The following TIMM23B variants were observed in gnomAD, a reference collection of about 807,000 sequenced individuals.
TIMM23B encodes the protein mitochondrial import inner membrane translocase subunit Tim23B.
In TIMM23B, 27 loss-of-function variants were observed where a neutral mutation model predicts 27.3. The observed-to-expected ratio is 0.99, with a 90% CI of 0.73 to 1.36. The LOEUF (loss-of-function observed/expected upper bound fraction) is 1.36. TIMM23B is among the 40% of genes most tolerant of loss of function. The pLI, the probability that TIMM23B is intolerant of heterozygous loss-of-function variation, is 0.00. For synonymous variants in TIMM23B, 73 were observed against 92.4 expected, an observed-to-expected ratio of 0.79 and a Z score of 1.21; for missense variants, 205 against 244.2, an observed-to-expected ratio of 0.84 and a Z score of 1.07.
chr10:49,945,171 T>C, intron 2 of TIMM23B, 81 bp downstream of exon 2: 1 of 1,425,406 alleles, frequency 7.0e-7, no homozygotes, highest in Admixed American at 1.8e-5. Flanking sequence ...ACTTGAACTA[T>C]GACATACACT....
At chr10:49,959,787 C>T (rs1342758556) in intron 6 of TIMM23B, among the ~76,000 whole-genome samples, 2 of 151,276 alleles carry the variant, frequency 1.3e-5, no homozygotes, top group African/African-American at 2.4e-5. Context: ...GTCTTGGTGT[C>T]ACCCAGGCTG....
chr10:49,943,230 T>C (rs1839217819), intron 1 of TIMM23B: 1 of 152,122 alleles, frequency 6.6e-6, no homozygotes, highest in Non-Finnish European at 1.5e-5. Flanking sequence ...TTTGTTTGTT[T>C]TTAGAGTCAG....
intron 6 of TIMM23B, among the ~76,000 whole-genome samples, chr10:49,966,668 TAAA>T (rs1170500622): frequency 1.3e-5 from 2 of 151,228 alleles, no homozygotes; most frequent in Admixed American, 6.6e-5. Flanking sequence ...TCTACTAAAA[TAAA>T]AAAACTAGCC....
intron 5 of TIMM23B, among the ~76,000 whole-genome samples, chr10:49,956,882 A>G (rs1839743373): frequency 6.8e-6 from 1 of 147,970 alleles, no homozygotes; most frequent in African/African-American, 2.4e-5. Flanking sequence ...TTGAAAAAAA[A>G]AAACAGTTTT....
At chr10:49,969,986 G>C (rs1554856190) in intron 6 of TIMM23B, 1 of 170,400 alleles carries the variant, frequency 5.9e-6, no homozygotes, top group African/African-American at 2.4e-5. Context: ...TGGAGACGGG[G>C]TTTCGCCATG....
At chr10:49,952,362 AAGAATC>A in intron 3 of TIMM23B, 81 bp from the exon 4 acceptor site, 1 of 1,510,758 alleles carries the variant, frequency 6.6e-7, no homozygotes, top group Non-Finnish European at 9.0e-7. Context: ...AAAAATGAAA[AAGAATC>A]AGAAGTGTAG....
chr10:49,942,514 G>A (rs1839157135), intron 1 of TIMM23B, among the ~76,000 whole-genome samples: 1 of 152,144 alleles, frequency 6.6e-6, no homozygotes, highest in Non-Finnish European at 1.5e-5. Context: ...AGCTGTCCGT[G>A]ATTGACCTGG....
At chr10:49,949,330 C>T (rs1253167142) in intron 2 of TIMM23B, among the ~76,000 whole-genome samples, 2 of 150,140 alleles carry the variant, frequency 1.3e-5, no homozygotes, top group African/African-American at 4.9e-5. Context: ...GTTGATGGTT[C>T]GGACCTTGCC....
chr10:49,944,917 C>T, intron 1 of TIMM23B, 115 bp from the exon 2 acceptor site: 4 of 1,361,386 alleles, frequency 2.9e-6, no homozygotes, highest in Non-Finnish European at 4.1e-6. Context: ...AAATTTTCTG[C>T]CTTCAGTGAG....
intron 6 of TIMM23B, among the ~76,000 whole-genome samples, chr10:49,959,647 A>G (rs1169924115): frequency 6.6e-6 from 1 of 152,206 alleles, no homozygotes; most frequent in African/African-American, 2.4e-5. Context: ...TTTTTAAGTC[A>G]AGGTTTTTAT....
intron 1 of TIMM23B, 27 bp from the exon 2 acceptor site, chr10:49,945,005 C>G (rs1472389588): frequency 7.7e-6 from 12 of 1,562,726 alleles, no homozygotes; most frequent in Non-Finnish European, 6.2e-6. Flanking sequence ...AATTTTGTTG[C>G]AATGTGACAT....
intron 2 of TIMM23B, among the ~76,000 whole-genome samples, chr10:49,948,352 A>G (rs1214496349): frequency 1.3e-5 from 2 of 152,044 alleles, no homozygotes; most frequent in Non-Finnish European, 2.9e-5. Flanking sequence ...ATGACTGGCA[A>G]TTTCACTTGC....
At chr10:49,962,893 A>G (rs1233928221) in intron 6 of TIMM23B, among the ~76,000 whole-genome samples, 1 of 135,438 alleles carries the variant, frequency 7.4e-6, no homozygotes, top group Admixed American at 7.3e-5. Context: ...ATCTACCATC[A>G]CTTTTTTTTT....
At position 49,943,838 on chromosome 10, in the gene TIMM23B, T is replaced by C. The variant is rs1345144679; in HGVS notation, c.107-1194T>C. Among the ~76,000 whole-genome samples the C allele has an allele frequency of 1.0e-3, 153 of 151,798 alleles. 3 individuals carry two copies. The South Asian group carries it at 0.029, about 29-fold the overall frequency. ...CAAACATAAATTAAAACATTGCCTT[T>C]AGTGATAAGTGCTGTAAAGGGAATA... On this transcript the variant is annotated intron_variant, in intron 1 of 6. Transcript: ENST00000651259.
chr10:49,945,004 G>T lies in TIMM23B; in HGVS notation c.107-28G>T, dbSNP rs200489307. On this transcript the variant is annotated intron_variant, in intron 1 of 6. Transcript: ENST00000651259. The stretch of plus-strand genomic sequence containing the variant: ...CTGGATTAACTTAAAGAATTTTGTT[G>T]CAATGTGACATTTTGTTTTCTCTCT... The T allele has an allele frequency of 1.4e-3, 2,266 of 1,562,778 alleles. 46 individuals carry two copies. In the South Asian group the frequency reaches 0.024, roughly 16 times the overall value.
In TIMM23B at chr10:49,955,010, A is replaced by T; in HGVS notation, c.353A>T (p.Asn118Ile). 1 of 1,612,948 alleles carries T rather than the reference A, an allele frequency of 6.2e-7. No individual in the cohort carries two copies. Among genetic ancestry groups the T allele is most frequent in the Non-Finnish European group, 8.5e-7 (1 of 1,179,124 alleles). ...TCTTTCTGCCCTGATAGGATTTTGA[A>T]TATGGTGACTAGGCAAGGGGCACTT... is the stretch of plus-strand genomic sequence containing the variant. ...WSKPGNVQIL[N>I]MVTRQGALWA... Residue 118 changes from asparagine to isoleucine, a missense_variant, in exon 5 of 7, where the codon AAT becomes ATT. Coordinates refer to ENST00000651259, the MANE Select transcript of TIMM23B (RefSeq NM_001290117.2).
At chr10:49,956,017 T>C (rs1839707502) in intron 5 of TIMM23B, among the ~76,000 whole-genome samples, 1 of 152,104 alleles carries the variant, frequency 6.6e-6, no homozygotes, top group East Asian at 1.9e-4. Flanking sequence ...CAAGAAACTA[T>C]GTTCCAATAA....
At chr10:49,962,894 CTT>C (rs71215887) in intron 6 of TIMM23B, among the ~76,000 whole-genome samples, 8 of 123,208 alleles carry the variant, frequency 6.5e-5, no homozygotes, top group African/African-American at 2.7e-5. Flanking sequence ...TCTACCATCA[CTT>C]TTTTTTTTTT....
chr10:49,944,959 A>G, intron 1 of TIMM23B, 73 bp from the exon 2 acceptor site: 2 of 1,568,188 alleles, frequency 1.3e-6, no homozygotes, highest in South Asian at 2.3e-5. Context: ...TGTAACAATC[A>G]GGAGCTGGAT....
Sources: gnomAD v4.1 joint callset for allele counts (sites outside exome capture counted in the v4.1 genomes callset) on GRCh38, gnomAD v4.1.1 for gene constraint, MANE v1.5 for transcripts, NCBI Gene and HGNC (gene_info 2026-07-23, HGNC 2026-07-21) for gene names.